Variants in FHIT observed in about 807,000 individuals in gnomAD.
The protein encoded by FHIT is bis(5'-adenosyl)-triphosphatase.
Under a neutral mutation model 17.9 loss-of-function variants are expected in FHIT, and 19 were observed. The observed-to-expected ratio is 1.06, with a 90% confidence interval of 0.74 to 1.56. The LOEUF (loss-of-function observed/expected upper bound fraction) is 1.56, where lower values mean the gene tolerates loss of function less well. FHIT is among the 40% of genes most tolerant of loss of function. FHIT has a pLI of 0.00. For synonymous variants in FHIT, 81 were observed against 69.7 expected (o/e 1.16, Z -0.81); for missense variants, 248 against 189.2 (o/e 1.31, Z -1.82).
intron 5 of FHIT, among the ~76,000 whole-genome samples, chr3:60,506,396 G>A: frequency 6.6e-6 from 1 of 152,158 alleles, no homozygotes; most frequent in East Asian, 1.9e-4. Context: ...CTATATTACA[G>A]AGATTGTGTT....
At chr3:59,773,532 A>T (rs1436974403) in intron 8 of FHIT, among the ~76,000 whole-genome samples, 1 of 152,094 alleles carries the variant, frequency 6.6e-6, no homozygotes, top group African/African-American at 2.4e-5. Flanking sequence ...TTTTCCTCCC[A>T]CTGTTCCCTG....
rs114047816 is a variant in FHIT at position 60,769,300 on chromosome 3, T to C, written c.-18+52619A>G. On this transcript the variant is annotated intron_variant, in intron 4 of 9. Coordinates refer to ENST00000492590, the MANE Select transcript of FHIT (RefSeq NM_002012.4). ...TAACTAGTGATTAATTATAGTGCTATTTTCCCATACCAAGAATATATATGT... is the reference window on the plus strand; with the variant it reads ...TAACTAGTGATTAATTATAGTGCTACTTTCCCATACCAAGAATATATATGT... Among the ~76,000 whole-genome samples the C allele has an allele frequency of 8.0e-3, 1,210 of 152,162 alleles. 18 individuals carry two copies. The highest frequency in any genetic ancestry group is 0.027 in the African/African-American group (1,135 of 41,520).
At chr3:60,860,411 TC>T (rs1559778943) in intron 3 of FHIT, among the ~76,000 whole-genome samples, 4 of 128,510 alleles carry the variant, frequency 3.1e-5, no homozygotes, top group Non-Finnish European at 7.0e-5. Context: ...ATGACATACA[TC>T]ATATGTATAT....
At chr3:61,067,153 ATGTGGCAC>A (rs2034640437) in intron 2 of FHIT, among the ~76,000 whole-genome samples, 1 of 152,188 alleles carries the variant, frequency 6.6e-6, no homozygotes, top group Non-Finnish European at 1.5e-5. Flanking sequence ...GGGATAGGGA[ATGTGGCAC>A]TGTGCACCTG....
rs1360333142 is a variant in FHIT at position 60,129,042 on chromosome 3, C to CTTTTTTTTTTTTTTTTTTTT, written c.104-114891_104-114890insAAAAAAAAAAAAAAAAAAAA. Among the ~76,000 whole-genome samples, 4 of 113,060 alleles carry CTTTTTTTTTTTTTTTTTTTT rather than the reference C, an allele frequency of 3.5e-5. 1 individual carries two copies. Among genetic ancestry groups the CTTTTTTTTTTTTTTTTTTTT allele is most frequent in the African/African-American group, 1.4e-4 (4 of 29,336 alleles). The allele number at this position is 113,060 out of a possible 152,430, so 74.2% of individuals were successfully genotyped here. A position where few individuals can be genotyped will look rare whatever the true frequency, so the allele number is the denominator to read the frequency against. On this transcript the variant is annotated intron_variant, in intron 5 of 9. Transcript: ENST00000492590. ...ACTTAATTTTCCCTTTTCTTCTTTC[C>CTTTTTTTTTTTTTTTTTTTT]TTTTTTGTTTGTTTTTTTTTTTTTT...
intron 8 of FHIT, among the ~76,000 whole-genome samples, chr3:59,753,045 C>T (rs1304676911): frequency 6.6e-6 from 1 of 152,132 alleles, no homozygotes; most frequent in African/African-American, 2.4e-5. Context: ...ATTTATTTTA[C>T]TTCCTGGATT....
intron 2 of FHIT, among the ~76,000 whole-genome samples, chr3:61,158,720 AC>A (rs2037603502): frequency 6.6e-6 from 1 of 152,250 alleles, no homozygotes; most frequent in Non-Finnish European, 1.5e-5. Context: ...GTCCAAGTTC[AC>A]TACAGCAATA....
At chr3:60,945,881 A>C in intron 3 of FHIT, among the ~76,000 whole-genome samples, 1 of 152,204 alleles carries the variant, frequency 6.6e-6, no homozygotes, top group East Asian at 1.9e-4. Context: ...GTTTTCTCAG[A>C]AAGTAGAAGT....
At chr3:60,860,114 TA>T (rs1251692860) in intron 3 of FHIT, among the ~76,000 whole-genome samples, 8 of 147,506 alleles carry the variant, frequency 5.4e-5, no homozygotes, top group African/African-American at 1.7e-4. Flanking sequence ...TGATATATGA[TA>T]TATAAATGAT....
chr3:60,121,709 AACACACACAC>A lies in FHIT; in HGVS notation c.104-107567_104-107558del, dbSNP rs57250663. On this transcript the variant is annotated intron_variant, in intron 5 of 9. Transcript: ENST00000492590. ...AAAAAACAAACAAACAAACAAAACA[AACACACACAC>A]ACACACACACACACACACACACACA... Among the ~76,000 whole-genome samples, 329 of 116,418 alleles carry A rather than the reference AACACACACAC, an allele frequency of 2.8e-3. 1 individual carries two copies. Among genetic ancestry groups the A allele is most frequent in the East Asian group, 9.3e-3 (43 of 4,610 alleles). The allele number at this position is 116,418 out of a possible 152,430, so 76.4% of individuals were successfully genotyped here.
intron 8 of FHIT, among the ~76,000 whole-genome samples, chr3:59,754,443 T>G (rs1700561085): frequency 6.6e-6 from 1 of 152,216 alleles, no homozygotes; most frequent in Non-Finnish European, 1.5e-5. Context: ...ATTGCTATTC[T>G]TCTACTCAAG....
intron 5 of FHIT, among the ~76,000 whole-genome samples, chr3:60,496,496 A>G (rs1456687610): frequency 1.3e-5 from 2 of 152,162 alleles, no homozygotes; most frequent in Admixed American, 6.5e-5. Flanking sequence ...AAGTGTGCCA[A>G]TGCAAACATC....
At chr3:61,176,933 T>A (rs1450172555) in intron 2 of FHIT, among the ~76,000 whole-genome samples, 1 of 152,098 alleles carries the variant, frequency 6.6e-6, no homozygotes, top group Non-Finnish European at 1.5e-5. Flanking sequence ...CCCAGAACTT[T>A]GGGAGGCCGA....
intron 4 of FHIT, among the ~76,000 whole-genome samples, chr3:60,592,270 A>C (rs28616691): frequency 0.7 from 92,176 of 131,840 alleles, 29,931 homozygotes; most frequent in East Asian, 0.86. Context: ...CTCTCTCTCT[A>C]TATATATATA....
chr3:60,084,593 T>G (rs141678876), intron 5 of FHIT, among the ~76,000 whole-genome samples: 4,934 of 152,256 alleles, frequency 0.032, 108 homozygotes, highest in Non-Finnish European at 0.043. Context: ...GGGTATTATA[T>G]CCCATTATTG....
chr3:60,579,793 G>A (rs1043770564), intron 4 of FHIT, among the ~76,000 whole-genome samples: 9 of 152,124 alleles, frequency 5.9e-5, no homozygotes, highest in Non-Finnish European at 1.5e-5. Context: ...TTCTATGTCA[G>A]CAGATACTTC....
At chr3:60,801,966 T>C (rs2106666752) in intron 4 of FHIT, among the ~76,000 whole-genome samples, 1 of 152,330 alleles carries the variant, frequency 6.6e-6, no homozygotes, top group African/African-American at 2.4e-5. Context: ...AACATTTCCT[T>C]CAATTCACAT....
chr3:60,205,491 G>C (rs1302481781), intron 5 of FHIT, among the ~76,000 whole-genome samples: 1 of 152,156 alleles, frequency 6.6e-6, no homozygotes, highest in Non-Finnish European at 1.5e-5. Context: ...TTCATCACCA[G>C]AAATGATGAG....
At chr3:60,865,113 C>T (rs555944292) in intron 3 of FHIT, among the ~76,000 whole-genome samples, 1 of 152,158 alleles carries the variant, frequency 6.6e-6, no homozygotes, top group Non-Finnish European at 1.5e-5. Context: ...AAATCAGAAT[C>T]CCCCAAAATA....
Sources: allele counts gnomAD v4.1 joint callset (sites outside exome capture counted in the v4.1 genomes callset), GRCh38; gene constraint gnomAD v4.1.1; transcripts MANE v1.5; gene names NCBI Gene and HGNC (gene_info 2026-07-23, HGNC 2026-07-21).